The following PRKAR2A variants were observed in gnomAD, a reference collection of about 807,000 sequenced individuals.
PRKAR2A encodes protein kinase cAMP-dependent type II regulatory subunit alpha, also known as cAMP-dependent protein kinase type II-alpha regulatory subunit.
In PRKAR2A, 29 loss-of-function variants were observed where a neutral mutation model predicts 51.9. The observed-to-expected ratio is 0.56, with a 90% confidence interval of 0.42 to 0.76. The LOEUF (loss-of-function observed/expected upper bound fraction) is 0.76. PRKAR2A is among the 30% of genes least tolerant of loss of function. The probability of loss-of-function intolerance (pLI) is 0.00; values close to 1 mark genes in which losing one functional copy is unlikely to be tolerated. For missense variants in PRKAR2A, 445 were observed against 512.1 expected, an observed-to-expected ratio of 0.87 and a Z score of 1.26; for synonymous variants, 178 against 186.2, an observed-to-expected ratio of 0.96 and a Z score of 0.36.
chr3:48,840,879 CT>C (rs998914309), intron 1 of PRKAR2A, among the ~76,000 whole-genome samples: 1,865 of 100,752 alleles, frequency 0.019, 8 homozygotes, highest in Non-Finnish European at 0.022. Flanking sequence ...CCTGGCCCAC[CT>C]TTTTTTTTTT....
intron 5 of PRKAR2A, among the ~76,000 whole-genome samples, chr3:48,777,554 C>T (rs1409951054): frequency 3.3e-5 from 5 of 152,016 alleles, no homozygotes; most frequent in East Asian, 1.9e-4. Context: ...TACAGGCACC[C>T]GCCACCACGC....
intron 1 of PRKAR2A, among the ~76,000 whole-genome samples, chr3:48,826,333 A>T (rs2083065222): frequency 6.6e-6 from 1 of 152,194 alleles, no homozygotes; most frequent in Non-Finnish European, 1.5e-5. Context: ...GAACTCAGAA[A>T]AGCACTGTAT....
rs570631877 is a variant in PRKAR2A at position 48,804,206 on chromosome 3, A to T, written c.298+3443T>A. On this transcript the variant is annotated intron_variant, in intron 2 of 10. Coordinates refer to ENST00000265563, the MANE Select transcript of PRKAR2A (RefSeq NM_004157.4). ...CCAGGTGTGGTGGCTCACACCTGTA[A>T]AACCAGCACTTTGGAAGGCCAAGCT... Among the ~76,000 whole-genome samples the T allele has an allele frequency of 2.0e-5, 3 of 152,290 alleles. No homozygotes were observed. In the South Asian group the frequency reaches 6.2e-4, roughly 32 times the overall value.
chr3:48,770,982 T>G (rs2082020796), intron 6 of PRKAR2A, among the ~76,000 whole-genome samples: 2 of 152,122 alleles, frequency 1.3e-5, no homozygotes, highest in African/African-American at 4.8e-5. Context: ...TCCCAGCACT[T>G]TGGGAGGCCG....
intron 1 of PRKAR2A, among the ~76,000 whole-genome samples, chr3:48,814,292 C>T (rs1031560068): frequency 6.6e-6 from 1 of 151,680 alleles, no homozygotes; most frequent in African/African-American, 2.4e-5. Context: ...GTGGCTTGCA[C>T]ATGTAATCCC....
At chr3:48,828,912 C>A (rs1307839433) in intron 1 of PRKAR2A, among the ~76,000 whole-genome samples, 14 of 151,834 alleles carry the variant, frequency 9.2e-5, no homozygotes, top group Non-Finnish European at 2.9e-5. Context: ...CAGCTCACTG[C>A]AACCTCTGCT....
At chr3:48,817,214 C>T (rs1288717661) in intron 1 of PRKAR2A, among the ~76,000 whole-genome samples, 5 of 151,808 alleles carry the variant, frequency 3.3e-5, no homozygotes, top group Admixed American at 1.3e-4. Context: ...GTAGTCCCAC[C>T]GATTCGGGAG....
chr3:48,836,598 T>C (rs965816419), intron 1 of PRKAR2A, among the ~76,000 whole-genome samples: 8 of 151,308 alleles, frequency 5.3e-5, no homozygotes, highest in Non-Finnish European at 2.9e-5. Context: ...TTCTTAAATA[T>C]GACACCTATA....
intron 1 of PRKAR2A, among the ~76,000 whole-genome samples, chr3:48,838,468 A>G (rs1331363788): frequency 5.9e-5 from 9 of 151,402 alleles, no homozygotes; most frequent in Non-Finnish European, 1.2e-4. Flanking sequence ...TTAGCTGGGC[A>G]TGGTGGCACA....
Position 48,847,685 on chromosome 3 carries a change from G to T in PRKAR2A, c.-89C>A. On this transcript the variant is annotated 5_prime_UTR_variant, in exon 1 of 11. Coordinates refer to ENST00000265563, the MANE Select transcript of PRKAR2A (RefSeq NM_004157.4). This position sits in a 1 kb window ranked among gnomAD's most constrained non-coding sequence, Gnocchi z 4.4. ...CACGCCGGCCTTTCGCTCCGCGCCC[G>T]CGAGGTCTCTTCGCGCACGGCCCCG... is the stretch of plus-strand genomic sequence containing the variant. 1 of 1,287,450 alleles carries T rather than the reference G, an allele frequency of 7.8e-7. No individual in the cohort carries two copies. The highest frequency in any genetic ancestry group is 1.0e-6 in the Non-Finnish European group (1 of 992,532). The allele number at this position is 1,287,450 out of a possible 1,614,324, so 79.8% of individuals were successfully genotyped here.
At chr3:48,791,267 C>G (rs1344834774) in intron 3 of PRKAR2A, among the ~76,000 whole-genome samples, 3 of 98,846 alleles carry the variant, frequency 3.0e-5, no homozygotes, top group African/African-American at 4.0e-5. Flanking sequence ...AGCCTAGCGA[C>G]AGAGAGAGAT....
intron 1 of PRKAR2A, among the ~76,000 whole-genome samples, chr3:48,831,639 CAG>C (rs10596141): frequency 0.65 from 99,096 of 151,498 alleles, 33,150 homozygotes; most frequent in East Asian, 0.96. Context: ...TTTTTTGAGA[CAG>C]AGTCTCACTG....
intron 8 of PRKAR2A, among the ~76,000 whole-genome samples, chr3:48,758,035 G>A (rs749972940): frequency 2.6e-5 from 4 of 151,568 alleles, no homozygotes; most frequent in African/African-American, 4.9e-5. Flanking sequence ...CAGCCTGGGC[G>A]ACAAGAACGA....
At chr3:48,773,189 ATGT>A (rs1190497168) in intron 5 of PRKAR2A, 81 bp from the exon 6 acceptor site, 1 of 1,199,738 alleles carries the variant, frequency 8.3e-7, no homozygotes, top group African/African-American at 1.5e-5. Flanking sequence ...ATAATAGAAA[ATGT>A]TGTTTTAAGA....
chr3:48,755,232 G>A (rs986058548), intron 9 of PRKAR2A, among the ~76,000 whole-genome samples: 14 of 151,772 alleles, frequency 9.2e-5, no homozygotes, highest in Non-Finnish European at 1.3e-4. Flanking sequence ...TCCTGACCTC[G>A]TGATCTGCCC....
intron 3 of PRKAR2A, 120 bp from the exon 4 acceptor site, chr3:48,790,747 T>C: frequency 3.3e-6 from 2 of 598,018 alleles, no homozygotes; most frequent in Non-Finnish European, 5.2e-6. Context: ...TTCTGTTATT[T>C]TAATTTTACA....
intron 1 of PRKAR2A, among the ~76,000 whole-genome samples, chr3:48,822,731 T>C (rs948533772): frequency 1.3e-5 from 2 of 151,034 alleles, no homozygotes; most frequent in African/African-American, 2.4e-5. Flanking sequence ...GTTGTTTTTT[T>C]TTTTTTTTTT....
chr3:48,777,566 C>T (rs1235680678), intron 5 of PRKAR2A, among the ~76,000 whole-genome samples: 4 of 152,134 alleles, frequency 2.6e-5, no homozygotes, highest in South Asian at 2.1e-4. Flanking sequence ...CCACCACGCC[C>T]GGCTAATTTT....
intron 5 of PRKAR2A, among the ~76,000 whole-genome samples, chr3:48,776,520 G>A (rs889628219): frequency 2.6e-5 from 4 of 152,126 alleles, no homozygotes; most frequent in African/African-American, 9.7e-5. Flanking sequence ...GCTCACGCCT[G>A]TGTATGTGTG....
Sources: allele counts gnomAD v4.1 joint callset (sites outside exome capture counted in the v4.1 genomes callset), GRCh38; gene constraint gnomAD v4.1.1; non-coding constraint Gnocchi (gnomAD v3.1); transcripts MANE v1.5; gene names NCBI Gene and HGNC (gene_info 2026-07-23, HGNC 2026-07-21).